Variants in NEXMIF observed in about 807,000 individuals in gnomAD.
NEXMIF encodes the protein neurite extension and migration factor.
NEXMIF carries 8 observed loss-of-function variants against 62.1 expected under a neutral mutation model. The ratio of observed to expected loss-of-function variants is 0.13; its 90% CI spans 0.08 to 0.23. The LOEUF (loss-of-function observed/expected upper bound fraction) is 0.23. Among genes scored for constraint, NEXMIF ranks in the 10% least tolerant of loss-of-function variants. The pLI is 1.00. For synonymous variants in NEXMIF, 404 were observed against 416.6 expected, an observed-to-expected ratio of 0.97 and a Z score of 0.37; for missense variants, 976 against 1,113.3, an observed-to-expected ratio of 0.88 and a Z score of 1.75.
intron 1 of NEXMIF, among the ~76,000 whole-genome samples, chrX:74,847,296 C>T (rs2080495063): frequency 8.9e-6 from 1 of 112,004 alleles, no homozygotes; most frequent in South Asian, 3.7e-4. Context: ...TCAGCCTGGG[C>T]TTCACGAGTC....
chrX:74,751,623 CCCTTCCTT>C lies in NEXMIF; in HGVS notation c.-47-5934_-47-5927del, dbSNP rs781068385. Among the ~76,000 whole-genome samples, 642 of 87,311 alleles carry C rather than the reference CCCTTCCTT, an allele frequency of 7.4e-3. 7 individuals carry two copies. The highest frequency in any genetic ancestry group is 0.011 in the Non-Finnish European group (501 of 47,362). 75.8% of individuals were successfully genotyped at this position (87,311 alleles called of 115,157 possible). ...GCTGTGATTACAGGCTACCATCACGCCCTTCCTTCCTTCCTTCCTTCCTTCCTTCCTTC... is the reference window on the plus strand; with the variant it reads ...GCTGTGATTACAGGCTACCATCACGCCCTTCCTTCCTTCCTTCCTTCCTTC... On this transcript the variant is annotated intron_variant, in intron 1 of 3. Transcript: ENST00000055682.
chrX:74,911,471 G>A (rs1329075632), intron 1 of NEXMIF, among the ~76,000 whole-genome samples: 1 of 111,722 alleles, frequency 9.0e-6, no homozygotes, highest in African/African-American at 3.3e-5. Flanking sequence ...TTGGGATTTT[G>A]CTCCCATGAT....
At chrX:74,830,991 C>T (rs1417805314) in intron 1 of NEXMIF, among the ~76,000 whole-genome samples, 1 of 110,465 alleles carries the variant, frequency 9.1e-6, no homozygotes, top group Non-Finnish European at 1.9e-5. Context: ...ATTATATCAT[C>T]TGCAAACAAG....
intron 1 of NEXMIF, among the ~76,000 whole-genome samples, chrX:74,798,940 C>T (rs2080320653): frequency 9.7e-6 from 1 of 103,553 alleles, no homozygotes; most frequent in African/African-American, 3.6e-5. Context: ...TGGAGAAAAA[C>T]CAGAGAAAGA....
At chrX:74,796,893 T>C (rs1459803023) in intron 1 of NEXMIF, among the ~76,000 whole-genome samples, 1 of 111,387 alleles carries the variant, frequency 9.0e-6, no homozygotes, top group African/African-American at 3.3e-5. Context: ...TTCCAAAGAA[T>C]AGAGAATGAA....
At chrX:74,829,929 G>C (rs1354149215) in intron 1 of NEXMIF, among the ~76,000 whole-genome samples, 2 of 111,344 alleles carry the variant, frequency 1.8e-5, no homozygotes, top group Middle Eastern at 4.6e-3. Context: ...AGTTGTTTGA[G>C]CTTCTTATTC....
intron 1 of NEXMIF, among the ~76,000 whole-genome samples, chrX:74,851,415 C>T (rs767187752): frequency 3.5e-4 from 39 of 111,197 alleles, no homozygotes; most frequent in African/African-American, 1.1e-3. Flanking sequence ...GTCTTATCCA[C>T]TGTGTATTAT....
chrX:74,848,985 G>A (rs928105751), intron 1 of NEXMIF, among the ~76,000 whole-genome samples: 15 of 111,998 alleles, frequency 1.3e-4, no homozygotes, highest in African/African-American at 4.9e-4. Flanking sequence ...CCAGAATTGT[G>A]AAAAATAAAT....
At chrX:74,824,218 C>A (rs1214733829) in intron 1 of NEXMIF, among the ~76,000 whole-genome samples, 1 of 111,435 alleles carries the variant, frequency 9.0e-6, no homozygotes, top group Non-Finnish European at 1.9e-5. Context: ...CAATAGATCT[C>A]AAAAAAACCT....
chrX:74,748,200 A>G (rs776678627), intron 1 of NEXMIF, among the ~76,000 whole-genome samples: 2 of 112,021 alleles, frequency 1.8e-5, no homozygotes, highest in Non-Finnish European at 3.8e-5. Context: ...ATTAGAGTCT[A>G]TAACTTTTTT....
At chrX:74,758,858 G>T (rs1232594426) in intron 1 of NEXMIF, among the ~76,000 whole-genome samples, 1 of 112,143 alleles carries the variant, frequency 8.9e-6, no homozygotes, top group Non-Finnish European at 1.9e-5. Context: ...GTGCTGCAAT[G>T]AACATATGTA....
rs1254003805 is a variant in NEXMIF at position 74,877,794 on chromosome X, G to C, written c.-48+47089C>G. 4.5e-5 allele frequency among the ~76,000 whole-genome samples: 5 copies of C among 111,772 alleles called. No homozygotes were observed. The East Asian group carries it at 1.4e-3, about 31-fold the overall frequency. Reference sequence around the variant, plus strand: ...GCAGTTGATCGCATCGGCTCCTGAGGCTTCTGCATTCTTCACGTAGTTCTC... The same window carrying C: ...GCAGTTGATCGCATCGGCTCCTGAGCCTTCTGCATTCTTCACGTAGTTCTC... On this transcript the variant is annotated intron_variant, in intron 1 of 3. Transcript: ENST00000055682.
In NEXMIF at chrX:74,920,190, G is replaced by C. The variant is rs1328259719; in HGVS notation, c.-48+4693C>G. On this transcript the variant is annotated intron_variant, in intron 1 of 3. Coordinates refer to ENST00000055682, the MANE Select transcript of NEXMIF (RefSeq NM_001008537.3). ...GGTATTTCTAGTTCTAGATCCCTGA[G>C]GAATCGCCACACTGACTTCCACAAG... 7.4e-3 allele frequency among the ~76,000 whole-genome samples: 815 copies of C among 110,756 alleles called. 9 individuals carry two copies. The highest frequency in any genetic ancestry group is 0.011 in the Non-Finnish European group (559 of 53,064).
chrX:74,776,064 G>A (rs2080227655), intron 1 of NEXMIF, among the ~76,000 whole-genome samples: 1 of 111,464 alleles, frequency 9.0e-6, no homozygotes, highest in Non-Finnish European at 1.9e-5. Context: ...AGGCATCATG[G>A]CCTTTGTACT....
At chrX:74,891,488 G>A (rs978745978) in intron 1 of NEXMIF, among the ~76,000 whole-genome samples, 4 of 111,808 alleles carry the variant, frequency 3.6e-5, no homozygotes, top group African/African-American at 1.3e-4. Context: ...GCAACATACT[G>A]AATGATGTTG....
chrX:74,896,254 C>T (rs2080732630), intron 1 of NEXMIF, among the ~76,000 whole-genome samples: 1 of 112,004 alleles, frequency 8.9e-6, no homozygotes, highest in African/African-American at 3.2e-5. Flanking sequence ...GAAAAGCTCT[C>T]AGCCCCTTTG....
At chrX:74,919,228 C>G (rs1324883819) in intron 1 of NEXMIF, among the ~76,000 whole-genome samples, 3 of 111,856 alleles carry the variant, frequency 2.7e-5, no homozygotes, top group Non-Finnish European at 5.6e-5. Context: ...CAAATACAAA[C>G]AGGCATTTAG....
At chrX:74,883,737 G>C (rs1459695238) in intron 1 of NEXMIF, among the ~76,000 whole-genome samples, 1 of 112,003 alleles carries the variant, frequency 8.9e-6, no homozygotes, top group African/African-American at 3.2e-5. Context: ...ATATTCTCCA[G>C]GAGAACTTCC....
Position 74,897,265 on chromosome X carries a change from G to A in NEXMIF, c.-48+27618C>T, listed in dbSNP as rs899926198. Among the ~76,000 whole-genome samples the A allele has an allele frequency of 1.8e-4, 20 of 111,578 alleles. 1 individual carries two copies. Among genetic ancestry groups the A allele is most frequent in the African/African-American group, 6.5e-4 (20 of 30,679 alleles). On this transcript the variant is annotated intron_variant, in intron 1 of 3. Transcript: ENST00000055682. ...GACTTTGGATAAGGCACCTTCTCTGGGCTTTGGCTTTCTGGGCATACCACT... is the reference window on the plus strand; with the variant it reads ...GACTTTGGATAAGGCACCTTCTCTGAGCTTTGGCTTTCTGGGCATACCACT...
Sources: allele counts gnomAD v4.1 joint callset (sites outside exome capture counted in the v4.1 genomes callset), GRCh38; gene constraint gnomAD v4.1.1; transcripts MANE v1.5; gene names NCBI Gene and HGNC (gene_info 2026-07-23, HGNC 2026-07-21).